WDR64: variants seen among roughly 807,000 people sequenced by gnomAD.
The protein encoded by WDR64 is WD repeat-containing protein 64.
Under a neutral mutation model 139.3 loss-of-function variants are expected in WDR64, and 112 were observed. The ratio of observed to expected loss-of-function variants is 0.80; its 90% CI spans 0.69 to 0.94. The LOEUF (loss-of-function observed/expected upper bound fraction) is 0.94. Ranked by LOEUF, WDR64 falls within the 40% of genes least tolerant of loss-of-function variation. WDR64 has a pLI of 0.00. For missense variants in WDR64, 1,206 were observed against 1,293.1 expected (o/e 0.93, Z 1.03); for synonymous variants, 444 against 437.7 (o/e 1.01, Z -0.18).
intron 12 of WDR64, among the ~76,000 whole-genome samples, chr1:241,743,667 A>G (rs142326925): frequency 6.8e-4 from 104 of 152,310 alleles, no homozygotes; most frequent in African/African-American, 2.5e-3. Context: ...TGCAATTTAC[A>G]TCTGAACATG....
At chr1:241,796,762 A>T (rs1659380316) in intron 27 of WDR64, among the ~76,000 whole-genome samples, 1 of 152,100 alleles carries the variant, frequency 6.6e-6, no homozygotes, top group Admixed American at 6.6e-5. Context: ...CCAAAGTGTT[A>T]GGATTACAGG....
Position 241,787,933 on chromosome 1 carries a change from T to C in WDR64, c.2790T>C (p.Ile930=), listed in dbSNP as rs1304091698. Reference sequence around the variant, plus strand: ...AATTATCACAGACAAGAGATTTCATTTTGCCTTGTGATGTTACTGAATATC... The same window carrying C: ...AATTATCACAGACAAGAGATTTCATCTTGCCTTGTGATGTTACTGAATATC... ...LFELSQTRDF[I]LPCDVTEYPI... is the part of the protein sequence containing the mutation. Residue 930 remains isoleucine (I), a synonymous_variant, in exon 24 of 28, where the codon ATT becomes ATC. Coordinates refer to ENST00000437684, the MANE Select transcript of WDR64 (RefSeq NM_001367482.1). The C allele has an allele frequency of 6.2e-7, 1 of 1,612,702 alleles. No homozygotes were observed. The highest frequency in any genetic ancestry group is 1.3e-5 in the African/African-American group (1 of 74,806).
rs11473073 is a variant in WDR64, at chr1:241,683,864, T to TACACACACACACACACACACAC, written c.839+175_839+196dup. Among the ~76,000 whole-genome samples, 3 of 145,562 alleles carry TACACACACACACACACACACAC rather than the reference T, an allele frequency of 2.1e-5. No homozygotes were observed. In the East Asian group the frequency reaches 6.1e-4, roughly 30 times the overall value. On this transcript the variant is annotated intron_variant, in intron 7 of 27. Transcript: ENST00000437684. Reference sequence around the variant, plus strand: ...ATTAATTATAGTCATTGTTCATGTATACACACACACACACACACACACACA... The same window carrying TACACACACACACACACACACAC: ...ATTAATTATAGTCATTGTTCATGTATACACACACACACACACACACACACACACACACACACACACACACACA...
intron 17 of WDR64, 86 bp from the exon 18 acceptor site, chr1:241,770,535 C>T: frequency 1.7e-6 from 2 of 1,210,698 alleles, no homozygotes; most frequent in Non-Finnish European, 2.3e-6. Flanking sequence ...AAGCAATCAG[C>T]TGAAATTAAA....
intron 14 of WDR64, among the ~76,000 whole-genome samples, chr1:241,756,189 A>G (rs1670183521): frequency 6.6e-6 from 1 of 152,190 alleles, no homozygotes. Context: ...CTTCCTATCC[A>G]TGAGCATGGG....
At chr1:241,682,592 C>T (rs188413226) in intron 6 of WDR64, among the ~76,000 whole-genome samples, 33 of 152,270 alleles carry the variant, frequency 2.2e-4, no homozygotes, top group Non-Finnish European at 3.4e-4. Context: ...TTTGCTTAGT[C>T]TTGCTTTGCC....
chr1:241,784,316 CAAA>C (rs1658955341), intron 23 of WDR64, among the ~76,000 whole-genome samples: 1 of 152,078 alleles, frequency 6.6e-6, no homozygotes, highest in Admixed American at 6.6e-5. Context: ...AAAGTGGGAG[CAAA>C]GAGACCGGTT....
At position 241,744,398 on chromosome 1, in the gene WDR64, G is replaced by C; in HGVS notation, c.1476G>C (p.Trp492Cys). The change falls in exon 13 of 28, where the codon TGG (tryptophan) becomes TGC (cysteine). Residue 492 changes from tryptophan (W) to cysteine (C), a missense_variant. By Grantham distance (215) the Trp-to-Cys change is radical. Coordinates refer to ENST00000437684, the MANE Select transcript of WDR64 (RefSeq NM_001367482.1). ...TICSESIIRV[W>C]ELETGLQVYQ... ...ATTTTCGTTCTTTCCCATAGGTATG[G>C]GAACTCGAGACTGGGCTCCAAGTAT... is the stretch of plus-strand genomic sequence containing the variant. 1 of 1,614,036 alleles carries C rather than the reference G, an allele frequency of 6.2e-7. No individual in the cohort carries two copies. The highest frequency in any genetic ancestry group is 1.7e-4 in the Middle Eastern group (1 of 6,060).
intron 15 of WDR64, among the ~76,000 whole-genome samples, chr1:241,759,462 C>A (rs1222584232): frequency 6.6e-6 from 1 of 152,156 alleles, no homozygotes; most frequent in Non-Finnish European, 1.5e-5. Flanking sequence ...AGAACAAAGT[C>A]TATTGTATTC....
At chr1:241,788,069 A>C (rs1659107321) in intron 24 of WDR64, 35 bp downstream of exon 24, 1 of 1,524,522 alleles carries the variant, frequency 6.6e-7, no homozygotes, top group African/African-American at 1.4e-5. Flanking sequence ...ATAAGCATAC[A>C]AGAATCAAAC....
intron 27 of WDR64, among the ~76,000 whole-genome samples, chr1:241,800,226 T>G (rs1046924346): frequency 6.6e-6 from 1 of 152,208 alleles, no homozygotes; most frequent in African/African-American, 2.4e-5. Context: ...AGAGGAGTAC[T>G]CATGTGACCT....
At position 241,740,177 on chromosome 1, in the gene WDR64, C is replaced by G. The variant is rs1393905006; in HGVS notation, c.1322-1339C>G. Among the ~76,000 whole-genome samples, 10 of 152,202 alleles carry G rather than the reference C, an allele frequency of 6.6e-5. 1 individual carries two copies. ...AGATTCAATATCAGAGCTTCTAACTCTGGACTCCACATTCTTTCTCAGCAC... is the reference window on the plus strand; with the variant it reads ...AGATTCAATATCAGAGCTTCTAACTGTGGACTCCACATTCTTTCTCAGCAC... On this transcript the variant is annotated intron_variant, in intron 11 of 27. Transcript: ENST00000437684.
chr1:241,774,142 G>A (rs1658562792), intron 20 of WDR64, among the ~76,000 whole-genome samples: 1 of 152,138 alleles, frequency 6.6e-6, no homozygotes, highest in African/African-American at 2.4e-5. Context: ...AAAAACAGAG[G>A]AGGTGACCTC....
chr1:241,765,944 G>T (rs563617641), intron 15 of WDR64, among the ~76,000 whole-genome samples: 3 of 152,024 alleles, frequency 2.0e-5, no homozygotes, highest in Non-Finnish European at 4.4e-5. Flanking sequence ...AGAGGAAGAC[G>T]GGAAGAAAGT....
intron 25 of WDR64, among the ~76,000 whole-genome samples, chr1:241,794,502 C>CTTTTT (rs1659299229): frequency 6.7e-5 from 7 of 105,022 alleles, no homozygotes; most frequent in South Asian, 3.1e-4. Context: ...TTAAGCTTTA[C>CTTTTT]TGTTTTTTTT....
intron 8 of WDR64, among the ~76,000 whole-genome samples, chr1:241,710,176 C>CCTTGTCTGGGCTT (rs1179847654): frequency 3.3e-5 from 5 of 152,124 alleles, no homozygotes; most frequent in Non-Finnish European, 7.4e-5. Flanking sequence ...TCCCAGACCT[C>CCTTGTCTGGGCTT]CTTGTCTGGG....
chr1:241,765,920 C>A (rs57776943), intron 15 of WDR64, among the ~76,000 whole-genome samples: 24,034 of 151,760 alleles, frequency 0.16, 2,162 homozygotes, highest in African/African-American at 0.22. Flanking sequence ...ATTCTTTCAA[C>A]AAGTTTGAAG....
chr1:241,695,013 A>G (rs1440467834), intron 8 of WDR64, among the ~76,000 whole-genome samples: 1 of 152,236 alleles, frequency 6.6e-6, no homozygotes, highest in East Asian at 1.9e-4. Flanking sequence ...AAGTCAGTTC[A>G]TATTAGCTTA....
chr1:241,682,827 C>A (rs550154240), intron 6 of WDR64, among the ~76,000 whole-genome samples: 12 of 152,272 alleles, frequency 7.9e-5, no homozygotes, highest in African/African-American at 2.6e-4. Flanking sequence ...TCCTTAAATG[C>A]ACTTCTACCA....
Sources: allele counts gnomAD v4.1 joint callset (sites outside exome capture counted in the v4.1 genomes callset), GRCh38; gene constraint gnomAD v4.1.1; transcripts MANE v1.5; gene names NCBI Gene and HGNC (gene_info 2026-07-23, HGNC 2026-07-21).